Variants in PCDHGA4 observed in about 807,000 individuals in gnomAD.
The protein encoded by PCDHGA4 is protocadherin gamma-A4.
A neutral mutation model predicts 54.6 loss-of-function variants in PCDHGA4; 38 were observed. That is an observed-to-expected ratio of 0.70 (90% CI 0.54 to 0.91). The LOEUF (loss-of-function observed/expected upper bound fraction) is 0.91. Ranked by LOEUF, PCDHGA4 falls within the 40% of genes least tolerant of loss-of-function variation. PCDHGA4 has a pLI of 0.00. For synonymous variants in PCDHGA4, 511 were observed against 512.9 expected, an observed-to-expected ratio of 1.00 and a Z score of 0.05; for missense variants, 1,298 against 1,220.9, an observed-to-expected ratio of 1.06 and a Z score of -0.94.
Position 141,417,818 on chromosome 5 carries a change from C to T in PCDHGA4, c.2514+60197C>T, listed in dbSNP as rs59981184. 5.7e-4 allele frequency: 859 copies of T among 1,512,530 alleles called. 1 individual carries two copies. The African/African-American group carries it at 0.011, about 19-fold the overall frequency. 93.7% of individuals were successfully genotyped at this position (1,512,530 alleles called of 1,614,324 possible). On this transcript the variant is annotated intron_variant, in intron 1 of 3. Coordinates refer to ENST00000571252, the MANE Select transcript of PCDHGA4 (RefSeq NM_018917.4). ...TTTAGCGCGGTAGAGTGCACTTTCTCCAACTGGAAAAGCGGGGACCCAGCG... is the reference window on the plus strand; with the variant it reads ...TTTAGCGCGGTAGAGTGCACTTTCTTCAACTGGAAAAGCGGGGACCCAGCG...
rs575695102 is a variant in PCDHGA4 at position 141,421,063 on chromosome 5, G to C, written c.2514+63442G>C. 16 of 581,866 alleles carry C rather than the reference G, an allele frequency of 2.7e-5. No individual in the cohort carries two copies. The African/African-American group carries it at 2.9e-4, about 10-fold the overall frequency. 36.0% of individuals were successfully genotyped at this position (581,866 alleles called of 1,614,324 possible). A position where few individuals can be genotyped will look rare whatever the true frequency, so the allele number is the denominator to read the frequency against. ...CTCCCCCGCCTCTACCACACAAAGC[G>C]GAATGAGATGGATACTCACAGATCC... On this transcript the variant is annotated intron_variant, in intron 1 of 3. Coordinates refer to ENST00000571252, the MANE Select transcript of PCDHGA4 (RefSeq NM_018917.4).
At chr5:141,382,833 C>T (rs1017641917) in intron 1 of PCDHGA4, 11 of 1,423,922 alleles carry the variant, frequency 7.7e-6, no homozygotes, top group South Asian at 1.4e-5. Flanking sequence ...GAGGGGTCCA[C>T]CCGGATACAC....
rs1349646142 is a variant in PCDHGA4, at chr5:141,356,429, T to C, written c.1322T>C (p.Leu441Pro). The C allele has an allele frequency of 2.5e-6, 4 of 1,608,900 alleles. No homozygotes were observed. Among genetic ancestry groups the C allele is most frequent in the African/African-American group, 1.3e-5 (1 of 74,832 alleles). Residue 441 changes from leucine (L) to proline (P), a missense_variant, in exon 1 of 4, where the codon CTG becomes CCG. By Grantham distance (98) the Leu-to-Pro change is moderately conservative. Transcript: ENST00000571252. The part of the protein sequence containing the change: ...NYYRLLTHRT[L>P]DREEVSEYNI... The stretch of plus-strand genomic sequence containing the variant: ...TATCGGTTGTTGACACACAGAACAC[T>C]GGACAGGGAAGAAGTCTCAGAATAT...
chr5:141,371,657 G>C (rs761215785), intron 1 of PCDHGA4: 5 of 1,613,870 alleles, frequency 3.1e-6, no homozygotes, highest in South Asian at 1.1e-5. Flanking sequence ...ACAATGTGAC[G>C]ATCACAGCTA....
At chr5:141,502,030 C>T (rs1031787021) in intron 2 of PCDHGA4, among the ~76,000 whole-genome samples, 4 of 152,180 alleles carry the variant, frequency 2.6e-5, no homozygotes, top group Non-Finnish European at 4.4e-5. Flanking sequence ...CAACCCCCGC[C>T]GCTTGCCTGC....
At chr5:141,444,873 C>T (rs1298516499) in intron 1 of PCDHGA4, among the ~76,000 whole-genome samples, 1 of 152,080 alleles carries the variant, frequency 6.6e-6, no homozygotes, top group African/African-American at 2.4e-5. Flanking sequence ...CAGGACAAAG[C>T]TTGTAGGATT....
intron 1 of PCDHGA4, among the ~76,000 whole-genome samples, chr5:141,467,414 C>A (rs1410743140): frequency 6.6e-5 from 10 of 152,168 alleles, no homozygotes; most frequent in African/African-American, 1.2e-4. Flanking sequence ...CCTTTCCCCA[C>A]ACCTAGGTTA....
chr5:141,383,152 G>A lies in PCDHGA4; in HGVS notation c.2514+25531G>A, dbSNP rs200500982. 5.1e-5 allele frequency: 83 copies of A among 1,614,124 alleles called. No individual in the cohort carries two copies. The African/African-American group carries it at 8.8e-4, about 17-fold the overall frequency. Reference sequence around the variant, plus strand: ...CCTGAACCAGCGCAGCGGCAGCTTGGTCACTGCGGGCAGGATAGACCGGGA... The same window carrying A: ...CCTGAACCAGCGCAGCGGCAGCTTGATCACTGCGGGCAGGATAGACCGGGA... On this transcript the variant is annotated intron_variant, in intron 1 of 3. Coordinates refer to ENST00000571252, the MANE Select transcript of PCDHGA4 (RefSeq NM_018917.4).
intron 1 of PCDHGA4, chr5:141,371,055 T>A (rs1438717717): frequency 5.6e-6 from 9 of 1,613,768 alleles, no homozygotes; most frequent in Non-Finnish European, 7.6e-6. Flanking sequence ...GGGCGAGCCC[T>A]CCAGAAGCTG....
At chr5:141,423,003 G>A (rs779233337) in intron 1 of PCDHGA4, 1 of 1,614,208 alleles carries the variant, frequency 6.2e-7, no homozygotes, top group African/African-American at 1.3e-5. Flanking sequence ...TGACCAAGGT[G>A]GTTGCGGTGG....
rs761853399 is a variant in PCDHGA4, at chr5:141,389,296, A to G, written c.2514+31675A>G. On this transcript the variant is annotated intron_variant, in intron 1 of 3. Transcript: ENST00000571252. ...AACCCGCCTGGAGCCTCTATTTCAC[A>G]AGTCAGGGCTTCTGATCCGGACTTG... is the stretch of plus-strand genomic sequence containing the variant. The G allele has an allele frequency of 3.7e-6, 6 of 1,613,988 alleles. No individual in the cohort carries two copies. The South Asian group carries it at 6.6e-5, about 18-fold the overall frequency.
At chr5:141,400,059 T>C (rs2093953035) in intron 1 of PCDHGA4, 2 of 1,613,750 alleles carry the variant, frequency 1.2e-6, no homozygotes, top group South Asian at 2.2e-5. Context: ...CTGTGCGTGA[T>C]GGTGGACAGC....
intron 1 of PCDHGA4, chr5:141,423,343 C>T: frequency 6.2e-7 from 1 of 1,614,208 alleles, no homozygotes; most frequent in South Asian, 1.1e-5. Flanking sequence ...CTGCATCTTC[C>T]TGGTCTTTGT....
At chr5:141,359,934 C>A (rs1014353830) in intron 1 of PCDHGA4, 1 of 464,554 alleles carries the variant, frequency 2.2e-6, no homozygotes, top group East Asian at 3.3e-5. Flanking sequence ...AACCTCTGAG[C>A]GTCGCTGTTG....
In PCDHGA4 at chr5:141,428,425, T is replaced by A. The variant is rs1193842204; in HGVS notation, c.2515-66382T>A. ...GGGTTGCTTTCACCCTGGTCTCTGT[T>A]CTAAGACTAGACCAGGGGTTTTTCC... On this transcript the variant is annotated intron_variant, in intron 1 of 3. Transcript: ENST00000571252. 4 of 436,598 alleles carry A rather than the reference T, an allele frequency of 9.2e-6. No homozygotes were observed. In the East Asian group the frequency reaches 1.9e-4, roughly 21 times the overall value. 27.0% of individuals were successfully genotyped at this position (436,598 alleles called of 1,614,324 possible). A position where few individuals can be genotyped will look rare whatever the true frequency, so the allele number is the denominator to read the frequency against.
intron 1 of PCDHGA4, among the ~76,000 whole-genome samples, chr5:141,437,034 C>T (rs1282216386): frequency 1.3e-5 from 2 of 152,194 alleles, no homozygotes. Context: ...AAATGGATCA[C>T]CGAAACCAGA....
chr5:141,508,479 T>G (rs1361434920), intron 3 of PCDHGA4, among the ~76,000 whole-genome samples: 1 of 152,152 alleles, frequency 6.6e-6, no homozygotes, highest in Non-Finnish European at 1.5e-5. Flanking sequence ...TCTTTTACAT[T>G]CTGGATTTCC....
chr5:141,497,730 G>T (rs13182286), intron 2 of PCDHGA4, among the ~76,000 whole-genome samples: 247 of 152,136 alleles, frequency 1.6e-3, no homozygotes, highest in Non-Finnish European at 2.8e-3. Flanking sequence ...AGTAGAGATG[G>T]GTTTCGCCAC....
Position 141,454,796 on chromosome 5 carries a change from A to ATTT in PCDHGA4, c.2515-39984_2515-39982dup, listed in dbSNP as rs61612330. 3.3e-3 allele frequency among the ~76,000 whole-genome samples: 253 copies of ATTT among 77,450 alleles called. 31 individuals carry two copies. The highest frequency in any genetic ancestry group is 0.02 in the South Asian group (39 of 1,960). The allele number at this position is 77,450 out of a possible 152,430, so 50.8% of individuals were successfully genotyped here. ...AAGGAAATAATCCTCCATGGTTCTA[A>ATTT]TTTTTTTTTTTTTTTTTTTTTTTTT... On this transcript the variant is annotated intron_variant, in intron 1 of 3. Coordinates refer to ENST00000571252, the MANE Select transcript of PCDHGA4 (RefSeq NM_018917.4).
Sources: allele counts gnomAD v4.1 joint callset (sites outside exome capture counted in the v4.1 genomes callset), GRCh38; gene constraint gnomAD v4.1.1; transcripts MANE v1.5; gene names NCBI Gene and HGNC (gene_info 2026-07-23, HGNC 2026-07-21).